The following ZNF365 variants were observed in gnomAD, a reference collection of about 807,000 sequenced individuals.
ZNF365 encodes the protein protein ZNF365.
ZNF365 carries 22 observed loss-of-function variants against 35.0 expected under a neutral mutation model. The ratio of observed to expected loss-of-function variants is 0.63; its 90% CI spans 0.45 to 0.90. The LOEUF is 0.90. Among genes scored for constraint, ZNF365 ranks in the 40% least tolerant of loss-of-function variants. The pLI is 0.00. For missense variants in ZNF365, 448 were observed against 500.3 expected (o/e 0.90, Z 1.00); for synonymous variants, 188 against 196.2 (o/e 0.96, Z 0.35).
rs966179893 is a variant in ZNF365, at chr10:62,428,645, T to C, written c.925-31096T>C. ...CAGCATGAGAGCGGACTAATACAGGTCCATAGAGGAGCTCCTTCTAGGGCA... is the reference window on the plus strand; with the variant it reads ...CAGCATGAGAGCGGACTAATACAGGCCCATAGAGGAGCTCCTTCTAGGGCA... On this transcript the variant is annotated intron_variant, in intron 3 of 4. Transcript: ENST00000395255. Among the ~76,000 whole-genome samples, 3 of 152,026 alleles carry C rather than the reference T, an allele frequency of 2.0e-5. No homozygotes were observed. The South Asian group carries it at 6.2e-4, about 32-fold the overall frequency.
Position 62,401,690 on chromosome 10 carries a change from C to T in ZNF365, c.*1901C>T. The T allele has an allele frequency of 2.0e-6, 2 of 985,538 alleles. No homozygotes were observed. The highest frequency in any genetic ancestry group is 1.7e-5 in the African/African-American group (1 of 57,360). The allele number at this position is 985,538 out of a possible 1,614,324, so 61.0% of individuals were successfully genotyped here. ...ACCTTAGCCTTTTACATACTAAAAA[C>T]ATGACTTGTTAGTTGTATTGCATGC... is the stretch of plus-strand genomic sequence containing the variant. On this transcript the variant is annotated 3_prime_UTR_variant, in exon 5 of 5. Transcript: ENST00000395254.
At chr10:62,472,547 C>CTGATGAT (rs1248318516) in intron 4 of ZNF365, among the ~76,000 whole-genome samples, 1 of 152,128 alleles carries the variant, frequency 6.6e-6, no homozygotes, top group Non-Finnish European at 1.5e-5. Flanking sequence ...CAAGGAACAC[C>CTGATGAT]TGATGATTGC....
chr10:62,477,057 A>G (rs1841144101), intron 4 of ZNF365, among the ~76,000 whole-genome samples: 1 of 152,224 alleles, frequency 6.6e-6, no homozygotes, highest in Non-Finnish European at 1.5e-5. Flanking sequence ...TGTGCCAGAT[A>G]CCACGCCTGG....
rs1272408487 is a variant in ZNF365, at chr10:62,400,089, G to C, written c.*300G>C. 2 of 1,128,244 alleles carry C rather than the reference G, an allele frequency of 1.8e-6. No homozygotes were observed. The highest frequency in any genetic ancestry group is 2.2e-6 in the Non-Finnish European group (2 of 919,494). The allele number at this position is 1,128,244 out of a possible 1,614,324, so 69.9% of individuals were successfully genotyped here. On this transcript the variant is annotated 3_prime_UTR_variant, in exon 5 of 5. Transcript: ENST00000395254. ...CCAGTCTCCAGTAATCTTGGCATCT[G>C]GGCTTCTATGCAGTGGTCACTAATT...
At chr10:62,447,862 C>A (rs1403798739) in intron 3 of ZNF365, among the ~76,000 whole-genome samples, 1 of 152,188 alleles carries the variant, frequency 6.6e-6, no homozygotes, top group Non-Finnish European at 1.5e-5. Flanking sequence ...AGTGTCTTAA[C>A]CCTCACATTG....
At chr10:62,465,523 A>T (rs1840927423) in intron 4 of ZNF365, among the ~76,000 whole-genome samples, 1 of 152,120 alleles carries the variant, frequency 6.6e-6, no homozygotes, top group South Asian at 2.1e-4. Context: ...GTGAGAACTC[A>T]TGGTGTTTTT....
At chr10:62,469,035 C>A (rs1840989585) in intron 4 of ZNF365, among the ~76,000 whole-genome samples, 1 of 152,152 alleles carries the variant, frequency 6.6e-6, no homozygotes, top group South Asian at 2.1e-4. Flanking sequence ...CAATGGCTAC[C>A]AAGAGGTGGA....
At chr10:62,398,055 A>G in intron 3 of ZNF365, among the ~76,000 whole-genome samples, 1 of 152,202 alleles carries the variant, frequency 6.6e-6, no homozygotes, top group Non-Finnish European at 1.5e-5. Context: ...TTGAATAACT[A>G]AAAGTAGAAC....
At chr10:62,386,027 A>C (rs1839520064) in intron 2 of ZNF365, among the ~76,000 whole-genome samples, 1 of 152,066 alleles carries the variant, frequency 6.6e-6, no homozygotes, top group South Asian at 2.1e-4. Context: ...GGATTCTCAG[A>C]CTCCAAATGA....
At chr10:62,427,695 G>A (rs561093370) in intron 3 of ZNF365, among the ~76,000 whole-genome samples, 2 of 152,252 alleles carry the variant, frequency 1.3e-5, no homozygotes, top group South Asian at 4.1e-4. Context: ...TTACCCTGGA[G>A]GAATGTTGGC....
intron 3 of ZNF365, among the ~76,000 whole-genome samples, chr10:62,456,842 A>G (rs1361156999): frequency 7.0e-6 from 1 of 142,622 alleles, no homozygotes; most frequent in African/African-American, 2.9e-5. Flanking sequence ...GTGCGCACAC[A>G]TGCACACACA....
chr10:62,438,847 A>G (rs77074686), intron 3 of ZNF365, among the ~76,000 whole-genome samples: 2 of 152,156 alleles, frequency 1.3e-5, no homozygotes, highest in African/African-American at 2.4e-5. Flanking sequence ...TGCTTCTCAC[A>G]GTACTTAGAA....
At chr10:62,376,119 G>A (rs1250593937) in intron 1 of ZNF365, 62 bp from the exon 2 acceptor site, 2 of 1,530,184 alleles carry the variant, frequency 1.3e-6, no homozygotes, top group African/African-American at 2.8e-5. Flanking sequence ...GAGATGAGCA[G>A]CAATCATTTT....
intron 2 of ZNF365, among the ~76,000 whole-genome samples, chr10:62,384,538 G>A (rs1839494267): frequency 6.6e-6 from 1 of 152,174 alleles, no homozygotes; most frequent in Non-Finnish European, 1.5e-5. Flanking sequence ...GTTTATGTGT[G>A]GCTTCATAGA....
intron 3 of ZNF365, 149 bp from the exon 4 acceptor site, chr10:62,398,591 C>G (rs1316731854): frequency 2.4e-5 from 16 of 663,576 alleles, no homozygotes; most frequent in Non-Finnish European, 3.6e-5. Flanking sequence ...TTCACTGATG[C>G]AATGGATGGT....
At chr10:62,424,982 G>C (rs959633316) in intron 3 of ZNF365, among the ~76,000 whole-genome samples, 3 of 152,016 alleles carry the variant, frequency 2.0e-5, no homozygotes, top group Non-Finnish European at 2.9e-5. Context: ...GCTTCAGCAG[G>C]GTCTTCTGCA....
chr10:62,464,669 A>G (rs758436130), intron 4 of ZNF365, among the ~76,000 whole-genome samples: 1 of 152,032 alleles, frequency 6.6e-6, no homozygotes, highest in African/African-American at 2.4e-5. Flanking sequence ...TCCTTTCCCC[A>G]TTTTCTTCCA....
intron 3 of ZNF365, among the ~76,000 whole-genome samples, chr10:62,436,348 TG>T (rs1020631414): frequency 2.0e-5 from 3 of 151,912 alleles, no homozygotes; most frequent in Admixed American, 6.6e-5. Context: ...TTAAACTAAG[TG>T]ATTATTTTGG....
intron 3 of ZNF365, among the ~76,000 whole-genome samples, chr10:62,430,927 G>A (rs1840324952): frequency 1.3e-5 from 2 of 152,340 alleles, no homozygotes; most frequent in South Asian, 2.1e-4. Context: ...TCTTCAAGGA[G>A]GTTGTAATAA....
Sources: gnomAD v4.1 joint callset for allele counts (sites outside exome capture counted in the v4.1 genomes callset) on GRCh38, gnomAD v4.1.1 for gene constraint, MANE v1.5 for transcripts, NCBI Gene and HGNC (gene_info 2026-07-23, HGNC 2026-07-21) for gene names.